LSAMP: variants seen among roughly 807,000 people sequenced by gnomAD.
LSAMP encodes the protein limbic system associated membrane protein.
In LSAMP, 7 loss-of-function variants were observed where a neutral mutation model predicts 38.6. That is an observed-to-expected ratio of 0.18 (90% CI 0.10 to 0.34). The LOEUF (loss-of-function observed/expected upper bound fraction) is 0.34. Ranked by LOEUF, LSAMP falls within the 10% of genes least tolerant of loss-of-function variation. LSAMP has a pLI of 1.00. For missense variants in LSAMP, 313 were observed against 420.0 expected, an observed-to-expected ratio of 0.75 and a Z score of 2.23; for synonymous variants, 154 against 166.8, an observed-to-expected ratio of 0.92 and a Z score of 0.59.
chr3:116,261,231 C>T (rs1002672720), intron 1 of LSAMP, among the ~76,000 whole-genome samples: 1 of 152,110 alleles, frequency 6.6e-6, no homozygotes, highest in Non-Finnish European at 1.5e-5. Flanking sequence ...CCCTAAAGTT[C>T]TTTAATCATT....
intron 1 of LSAMP, among the ~76,000 whole-genome samples, chr3:116,397,684 GC>G (rs1482176940): frequency 6.6e-6 from 1 of 152,042 alleles, no homozygotes; most frequent in African/African-American, 2.4e-5. Context: ...ATATAGTCCT[GC>G]TGAAGTTCTT....
Position 116,104,398 on chromosome 3 carries a change from T to TAA in LSAMP, c.156-17844_156-17843dup, listed in dbSNP as rs375580353. Among the ~76,000 whole-genome samples the TAA allele has an allele frequency of 3.6e-3, 509 of 139,982 alleles. 8 individuals carry two copies. The highest frequency in any genetic ancestry group is 0.013 in the African/African-American group (483 of 38,620). 91.8% of individuals were successfully genotyped at this position (139,982 alleles called of 152,430 possible). ...GATGCAACCCTGCCCAAGGCAATGT[T>TAA]AAAAAAAAAAAAAAAATCAACCACC... On this transcript the variant is annotated intron_variant, in intron 1 of 6. Transcript: ENST00000490035.
chr3:116,178,887 C>G (rs1710416898), intron 1 of LSAMP, among the ~76,000 whole-genome samples: 1 of 152,184 alleles, frequency 6.6e-6, no homozygotes, highest in Non-Finnish European at 1.5e-5. Context: ...ATCTCACTGT[C>G]TTTTCTTTCC....
At chr3:116,325,313 T>G (rs1052929695) in intron 1 of LSAMP, among the ~76,000 whole-genome samples, 1 of 151,974 alleles carries the variant, frequency 6.6e-6, no homozygotes, top group Non-Finnish European at 1.5e-5. Context: ...GCCTAAATAT[T>G]ATTTCTTAAA....
At chr3:116,355,299 T>C (rs775386830) in intron 1 of LSAMP, among the ~76,000 whole-genome samples, 5 of 152,146 alleles carry the variant, frequency 3.3e-5, no homozygotes, top group Non-Finnish European at 7.4e-5. Context: ...AAAAATGTCT[T>C]ATTTATTTGA....
At chr3:116,385,306 T>C (rs2048611496) in intron 1 of LSAMP, among the ~76,000 whole-genome samples, 1 of 152,174 alleles carries the variant, frequency 6.6e-6, no homozygotes, top group South Asian at 2.1e-4. Flanking sequence ...CCTTTAATTC[T>C]CAGCAAGCTT....
intron 1 of LSAMP, among the ~76,000 whole-genome samples, chr3:116,239,297 A>G (rs1268797503): frequency 1.3e-5 from 2 of 152,162 alleles, no homozygotes; most frequent in Non-Finnish European, 2.9e-5. Context: ...GATAAAGTTC[A>G]CTTACTAAGC....
intron 1 of LSAMP, among the ~76,000 whole-genome samples, chr3:116,251,765 T>C (rs1442773005): frequency 1.3e-5 from 2 of 152,158 alleles, no homozygotes; most frequent in African/African-American, 4.8e-5. Flanking sequence ...TTTAATTTTA[T>C]CTTATGAAAA....
intron 1 of LSAMP, among the ~76,000 whole-genome samples, chr3:116,187,763 A>G (rs1414272025): frequency 2.6e-5 from 4 of 152,156 alleles, no homozygotes; most frequent in African/African-American, 9.7e-5. Flanking sequence ...ATATAGTTAC[A>G]GAAGGGATAA....
intron 1 of LSAMP, among the ~76,000 whole-genome samples, chr3:116,401,007 A>G (rs963248395): frequency 2.0e-5 from 3 of 152,180 alleles, no homozygotes; most frequent in South Asian, 2.1e-4. Flanking sequence ...TCAGATCCCA[A>G]CAAGAGAAGA....
intron 3 of LSAMP, among the ~76,000 whole-genome samples, chr3:115,930,666 A>G (rs1218125159): frequency 6.6e-6 from 1 of 152,230 alleles, no homozygotes; most frequent in African/African-American, 2.4e-5. Flanking sequence ...ATGCACCTGT[A>G]TAAATCTTTA....
At chr3:115,977,959 T>G (rs1939240394) in intron 3 of LSAMP, among the ~76,000 whole-genome samples, 1 of 151,978 alleles carries the variant, frequency 6.6e-6, no homozygotes. Context: ...CCCATAGTCT[T>G]TCTTTCTTCC....
At chr3:116,073,987 G>C (rs1045855609) in intron 2 of LSAMP, among the ~76,000 whole-genome samples, 44 of 152,292 alleles carry the variant, frequency 2.9e-4, no homozygotes, top group African/African-American at 1.0e-3. Context: ...GAACAAGAAT[G>C]CCATAGCTCT....
At chr3:116,343,941 T>A (rs2048030281) in intron 1 of LSAMP, among the ~76,000 whole-genome samples, 2 of 152,120 alleles carry the variant, frequency 1.3e-5, no homozygotes, top group South Asian at 4.1e-4. Context: ...AAATGTATTA[T>A]TCCTGAGTAA....
intron 1 of LSAMP, among the ~76,000 whole-genome samples, chr3:116,245,782 C>T (rs979224069): frequency 4.6e-5 from 7 of 151,942 alleles, no homozygotes; most frequent in African/African-American, 1.7e-4. Flanking sequence ...AACTGAGGCA[C>T]ACAAGTTTTG....
intron 1 of LSAMP, among the ~76,000 whole-genome samples, chr3:116,444,130 CT>C (rs1401803944): frequency 6.6e-6 from 1 of 152,132 alleles, no homozygotes; most frequent in Non-Finnish European, 1.5e-5. Flanking sequence ...GGTTAATTCT[CT>C]CCCAACCTCT....
intron 1 of LSAMP, among the ~76,000 whole-genome samples, chr3:116,313,747 T>A (rs1030763562): frequency 3.3e-5 from 5 of 152,132 alleles, no homozygotes; most frequent in African/African-American, 9.7e-5. Flanking sequence ...TGAGGTCAGG[T>A]GTTTGAGACC....
chr3:116,401,609 T>G (rs1296672787), intron 1 of LSAMP, among the ~76,000 whole-genome samples: 1 of 152,212 alleles, frequency 6.6e-6, no homozygotes, highest in Non-Finnish European at 1.5e-5. Context: ...TCATCCCTGC[T>G]AATCCTTCAA....
At position 116,290,734 on chromosome 3, in the gene LSAMP, A is replaced by AAATAATAATAAT. The variant is rs201227569; in HGVS notation, c.155+154131_155+154142dup. On this transcript the variant is annotated intron_variant, in intron 1 of 6. Transcript: ENST00000490035. ...GACAGAGCGAGACTCTGTCTCACAA[A>AAATAATAATAAT]AATAATAATAATAATAATAATAATA... is the stretch of plus-strand genomic sequence containing the variant. Among the ~76,000 whole-genome samples, 276 of 140,490 alleles carry AAATAATAATAAT rather than the reference A, an allele frequency of 2.0e-3. 1 individual carries two copies. The highest frequency in any genetic ancestry group is 0.018 in the Middle Eastern group (5 of 276). The allele number at this position is 140,490 out of a possible 152,430, so 92.2% of individuals were successfully genotyped here.
Sources: gnomAD v4.1 joint callset for allele counts (sites outside exome capture counted in the v4.1 genomes callset) on GRCh38, gnomAD v4.1.1 for gene constraint, MANE v1.5 for transcripts, NCBI Gene and HGNC (gene_info 2026-07-23, HGNC 2026-07-21) for gene names.